ANK3: variants seen among roughly 807,000 people sequenced by gnomAD.
ANK3 encodes the protein ankyrin 3, also known as ankyrin-3.
In ANK3, 57 loss-of-function variants were observed where a neutral mutation model predicts 370.9. That is an observed-to-expected ratio of 0.15 (90% confidence interval 0.12 to 0.19). ANK3 has a LOEUF of 0.19. Among genes scored for constraint, ANK3 ranks in the 10% least tolerant of loss-of-function variants. The pLI is 1.00. For synonymous variants in ANK3, 1,929 were observed against 1,946.3 expected (o/e 0.99, Z 0.23); for missense variants, 4,439 against 5,302.1 (o/e 0.84, Z 5.06).
Position 60,200,146 on chromosome 10 carries a change from C to T in ANK3, c.1474G>A (p.Val492Ile). 6.2e-7 allele frequency: 1 copy of T among 1,614,108 alleles called. No individual in the cohort carries two copies. Among genetic ancestry groups the T allele is most frequent in the African/African-American group, 1.3e-5 (1 of 75,030 alleles). ...GCGCATACCTTAGCTTTAGCTTCTA[C>T]CTGAGCTCCGTCTTGTACCAGATAC... ...VRYLVQDGAQVEAKAKDDQTP... is the reference protein window; with the variant it reads ...VRYLVQDGAQIEAKAKDDQTP... The change falls in exon 13 of 44, where the codon GTA becomes ATA. Residue 492 changes from valine (V) to isoleucine (I), a missense_variant. Coordinates refer to ENST00000280772, the MANE Select transcript of ANK3 (RefSeq NM_020987.5).
intron 7 of ANK3, among the ~76,000 whole-genome samples, chr10:60,254,241 TTC>T (rs1491325557): frequency 1.3e-5 from 2 of 148,922 alleles, no homozygotes; most frequent in African/African-American, 2.4e-5. Flanking sequence ...TGTTTTTTTT[TTC>T]CCCCCAAATA....
intron 1 of ANK3, among the ~76,000 whole-genome samples, chr10:60,348,037 G>C (rs572946046): frequency 1.3e-5 from 2 of 152,100 alleles, no homozygotes; most frequent in South Asian, 2.1e-4. Context: ...TTGTTTGCTT[G>C]CCTTGTACTT....
chr10:60,133,086 T>C (rs889034033), intron 25 of ANK3, among the ~76,000 whole-genome samples: 1 of 152,222 alleles, frequency 6.6e-6, no homozygotes, highest in Non-Finnish European at 1.5e-5. Flanking sequence ...GACATCAGCA[T>C]CTGCAGACAT....
At chr10:60,497,227 C>T (rs2075681852) in intron 2 of ANK3, among the ~76,000 whole-genome samples, 1 of 151,998 alleles carries the variant, frequency 6.6e-6, no homozygotes, top group Non-Finnish European at 1.5e-5. Flanking sequence ...ATTGCTGGAG[C>T]CCAGGAGGTT....
chr10:60,535,726 T>C (rs1299337990), intron 2 of ANK3, among the ~76,000 whole-genome samples: 1 of 152,076 alleles, frequency 6.6e-6, no homozygotes, highest in Non-Finnish European at 1.5e-5. Context: ...AAAAATCTTA[T>C]TCATTGCACA....
intron 23 of ANK3, among the ~76,000 whole-genome samples, chr10:60,153,156 T>C (rs553269511): frequency 6.6e-6 from 1 of 152,330 alleles, no homozygotes; most frequent in East Asian, 1.9e-4. Context: ...GAAGTTCAAT[T>C]ATATGCAGCA....
chr10:60,296,441 A>G (rs1444630806), intron 1 of ANK3, among the ~76,000 whole-genome samples: 1 of 152,220 alleles, frequency 6.6e-6, no homozygotes, highest in East Asian at 1.9e-4. Context: ...GGAAAATGAC[A>G]GCCTGATTCT....
intron 2 of ANK3, among the ~76,000 whole-genome samples, chr10:60,396,626 CTTG>C (rs1459996626): frequency 6.6e-6 from 1 of 152,016 alleles, no homozygotes; most frequent in East Asian, 1.9e-4. Flanking sequence ...GGAAATAAGT[CTTG>C]TTGTTTCATA....
At chr10:60,619,425 C>G (rs926479867) in intron 1 of ANK3, among the ~76,000 whole-genome samples, 12 of 152,204 alleles carry the variant, frequency 7.9e-5, no homozygotes, top group African/African-American at 2.9e-4. Flanking sequence ...TCTGAATAAA[C>G]AGAATTAAAC....
At chr10:60,286,994 G>A (rs979233597) in intron 1 of ANK3, among the ~76,000 whole-genome samples, 1 of 152,034 alleles carries the variant, frequency 6.6e-6, no homozygotes, top group African/African-American at 2.4e-5. Context: ...CTTCCATCTG[G>A]TGACAAATGG....
chr10:60,192,905 A>C (rs553426409), intron 16 of ANK3, among the ~76,000 whole-genome samples: 249 of 151,892 alleles, frequency 1.6e-3, no homozygotes, highest in Non-Finnish European at 3.0e-3. Context: ...TGCCCTGTCT[A>C]CCTCCTGTTT....
chr10:60,680,837 T>C (rs1486350338), intron 1 of ANK3, among the ~76,000 whole-genome samples: 1 of 152,162 alleles, frequency 6.6e-6, no homozygotes, highest in Non-Finnish European at 1.5e-5. Flanking sequence ...GGGAGGTTGT[T>C]AATCTCTGCA....
intron 1 of ANK3, among the ~76,000 whole-genome samples, chr10:60,294,430 G>A (rs2042089846): frequency 6.6e-6 from 1 of 152,072 alleles, no homozygotes; most frequent in Admixed American, 6.6e-5. Flanking sequence ...CTAAAATGTT[G>A]GCCACCAGCT....
chr10:60,408,778 T>C (rs2063503178), intron 2 of ANK3, among the ~76,000 whole-genome samples: 1 of 152,146 alleles, frequency 6.6e-6, no homozygotes, highest in Non-Finnish European at 1.5e-5. Flanking sequence ...CTGGGCCTGA[T>C]ATGGAGGCTT....
At chr10:60,229,037 A>G (rs1407363543) in intron 8 of ANK3, among the ~76,000 whole-genome samples, 2 of 152,226 alleles carry the variant, frequency 1.3e-5, no homozygotes, top group African/African-American at 4.8e-5. Context: ...AAAATAAAAC[A>G]AAAGATGCTC....
chr10:60,733,336 T>A, exon 1 of ANK3: 1 of 1,233,142 alleles, frequency 8.1e-7, no homozygotes, highest in Non-Finnish European at 1.0e-6. Context: ...GGGCTGCTGC[T>A]GCTGCTCCTT....
At chr10:60,636,316 C>T (rs140448798) in intron 1 of ANK3, among the ~76,000 whole-genome samples, 188 of 152,182 alleles carry the variant, frequency 1.2e-3, no homozygotes, top group African/African-American at 4.2e-3. Context: ...CACCAAGAAG[C>T]AGTGGTTCAA....
At chr10:60,706,313 T>C (rs1053988361) in intron 1 of ANK3, among the ~76,000 whole-genome samples, 1 of 152,044 alleles carries the variant, frequency 6.6e-6, no homozygotes, top group Non-Finnish European at 1.5e-5. Flanking sequence ...CCAGAAACAT[T>C]CCAACCATAA....
intron 41 of ANK3, among the ~76,000 whole-genome samples, chr10:60,057,730 A>G (rs1025655060): frequency 6.6e-6 from 1 of 152,210 alleles, no homozygotes; most frequent in East Asian, 1.9e-4. Context: ...CAGAGCCTAT[A>G]TAAAACAAGG....
Sources: allele counts gnomAD v4.1 joint callset (sites outside exome capture counted in the v4.1 genomes callset), GRCh38; gene constraint gnomAD v4.1.1; transcripts MANE v1.5; gene names NCBI Gene and HGNC (gene_info 2026-07-23, HGNC 2026-07-21).